Variants in DNAJB6 observed in about 807,000 individuals in gnomAD.
DNAJB6 encodes the protein dnaJ homolog subfamily B member 6.
Under a neutral mutation model 42.7 loss-of-function variants are expected in DNAJB6, and 16 were observed. The ratio of observed to expected loss-of-function variants is 0.37; its 90% CI spans 0.25 to 0.57. DNAJB6 has a LOEUF of 0.57. Ranked by LOEUF, DNAJB6 falls within the 20% of genes least tolerant of loss-of-function variation. The probability of loss-of-function intolerance (pLI) is 0.74; values close to 1 mark genes in which losing one functional copy is unlikely to be tolerated. For synonymous variants in DNAJB6, 170 were observed against 163.5 expected (o/e 1.04, Z -0.30); for missense variants, 347 against 416.8 (o/e 0.83, Z 1.46).
At chr7:157,382,999 T>C (rs1437654267) in intron 6 of DNAJB6, among the ~76,000 whole-genome samples, 1 of 152,080 alleles carries the variant, frequency 6.6e-6, no homozygotes, top group Non-Finnish European at 1.5e-5. Flanking sequence ...GCTTTTTTTT[T>C]TGTTGTGTTT....
At chr7:157,338,183 C>T (rs1221162225) in intron 1 of DNAJB6, among the ~76,000 whole-genome samples, 1 of 152,188 alleles carries the variant, frequency 6.6e-6, no homozygotes, top group East Asian at 1.9e-4. Context: ...ACCATTAAAG[C>T]TTGATTGCTG....
intron 8 of DNAJB6, among the ~76,000 whole-genome samples, chr7:157,389,165 T>C (rs1222873447): frequency 1.3e-5 from 2 of 152,238 alleles, no homozygotes; most frequent in African/African-American, 2.4e-5. Flanking sequence ...CCAATCAATT[T>C]TAATTTCTGT....
chr7:157,369,466 G>T, intron 5 of DNAJB6: 1 of 455,874 alleles, frequency 2.2e-6, no homozygotes. Flanking sequence ...TCTCTTCTGG[G>T]GCACACGAGG....
intron 1 of DNAJB6, among the ~76,000 whole-genome samples, chr7:157,343,447 A>T (rs1231088940): frequency 6.6e-6 from 1 of 151,188 alleles, no homozygotes; most frequent in Non-Finnish European, 1.5e-5. Context: ...GAGCCACCTC[A>T]CCTGGCCTCA....
intron 2 of DNAJB6, among the ~76,000 whole-genome samples, chr7:157,359,283 ATTG>A (rs1393906542): frequency 1.3e-5 from 2 of 152,232 alleles, no homozygotes; most frequent in Non-Finnish European, 2.9e-5. Flanking sequence ...ACTTAAAAAA[ATTG>A]TTAATAAATA....
rs150488494 is a variant in DNAJB6, at chr7:157,398,494, C to T, written c.692-11301C>T. On this transcript the variant is annotated intron_variant, in intron 8 of 9. Transcript: ENST00000262177. Reference sequence around the variant, plus strand: ...CATCTGCGTGTTATCAGCCAGGCTCCTGCACTCCATTCAGACTCCATTTGG... The same window carrying T: ...CATCTGCGTGTTATCAGCCAGGCTCTTGCACTCCATTCAGACTCCATTTGG... Among the ~76,000 whole-genome samples, 43 of 152,346 alleles carry T rather than the reference C, an allele frequency of 2.8e-4. 1 individual carries two copies. Among genetic ancestry groups the T allele is most frequent in the African/African-American group, 1.0e-3 (42 of 41,584 alleles).
chr7:157,345,355 G>A (rs1798629091), intron 1 of DNAJB6, among the ~76,000 whole-genome samples: 1 of 151,998 alleles, frequency 6.6e-6, no homozygotes, highest in South Asian at 2.1e-4. Context: ...CCTGTCTCTT[G>A]TCCAAGTTGG....
At chr7:157,343,512 C>T (rs967421491) in intron 1 of DNAJB6, among the ~76,000 whole-genome samples, 7 of 151,858 alleles carry the variant, frequency 4.6e-5, no homozygotes, top group African/African-American at 1.4e-4. Context: ...TCTGTTGCCC[C>T]GGCTGGAGTG....
chr7:157,400,527 G>A (rs1333953550), intron 8 of DNAJB6, among the ~76,000 whole-genome samples: 2 of 152,370 alleles, frequency 1.3e-5, no homozygotes, highest in Admixed American at 1.3e-4. Flanking sequence ...CCTGGCAGGA[G>A]CTTCTAATGA....
intron 8 of DNAJB6, among the ~76,000 whole-genome samples, chr7:157,387,304 C>CCCAG (rs1386662600): frequency 1.3e-5 from 2 of 152,178 alleles, no homozygotes; most frequent in East Asian, 3.8e-4. Flanking sequence ...TCGGAAATAA[C>CCCAG]CCAGCACGCG....
At chr7:157,382,483 C>T (rs1800835810) in intron 6 of DNAJB6, 106 bp downstream of exon 6, 10 of 1,259,786 alleles carry the variant, frequency 7.9e-6, no homozygotes, top group East Asian at 2.6e-5. Flanking sequence ...GTATACCTTT[C>T]GTAGAATAGC....
chr7:157,375,850 A>G (rs1800445384), intron 5 of DNAJB6, among the ~76,000 whole-genome samples: 1 of 152,188 alleles, frequency 6.6e-6, no homozygotes, highest in African/African-American at 2.4e-5. Context: ...GCGGCTGTCT[A>G]GGTTTTAGCT....
Position 157,358,638 on chromosome 7 carries a change from G to GT in DNAJB6, c.65+2dup, listed in dbSNP as rs1208635406. 1 of 1,609,562 alleles carries GT rather than the reference G, an allele frequency of 6.2e-7. No homozygotes were observed. The highest frequency in any genetic ancestry group is 2.2e-5 in the East Asian group (1 of 44,860). ...CCTCACCCGAGGATATTAAAAAGGC[G>GT]TAAGTAGTTTTATTTCTGTGGTAAT... On this transcript the variant is annotated splice_donor_variant, in intron 2 of 9. Coordinates refer to ENST00000262177, the MANE Select transcript of DNAJB6 (RefSeq NM_058246.4). LOFTEE classifies it high-confidence loss of function.
At chr7:157,342,282 C>G (rs1196968348) in intron 1 of DNAJB6, among the ~76,000 whole-genome samples, 1 of 151,806 alleles carries the variant, frequency 6.6e-6, no homozygotes, top group South Asian at 2.1e-4. Context: ...ATTCTCCTAC[C>G]TCAGGCTCCG....
intron 5 of DNAJB6, among the ~76,000 whole-genome samples, chr7:157,377,015 C>T (rs1291375311): frequency 1.3e-5 from 2 of 152,084 alleles, no homozygotes; most frequent in African/African-American, 2.4e-5. Flanking sequence ...GTCTAAAGAC[C>T]TGGGATCATA....
intron 6 of DNAJB6, among the ~76,000 whole-genome samples, chr7:157,384,037 G>A (rs759005759): frequency 4.5e-4 from 68 of 152,250 alleles, no homozygotes; most frequent in South Asian, 1.0e-3. Context: ...CAGTATCTGC[G>A]CTTAGATGAT....
intron 1 of DNAJB6, among the ~76,000 whole-genome samples, chr7:157,339,052 G>A (rs1413872558): frequency 6.6e-6 from 1 of 152,124 alleles, no homozygotes. Context: ...CAGTTTTTCC[G>A]GAACACTAGG....
intron 2 of DNAJB6, among the ~76,000 whole-genome samples, chr7:157,360,814 C>T (rs1019971842): frequency 2.2e-4 from 34 of 152,312 alleles, no homozygotes; most frequent in African/African-American, 8.2e-4. Context: ...CCAGACTCTT[C>T]CTGGGTTTGA....
intron 5 of DNAJB6, among the ~76,000 whole-genome samples, chr7:157,367,946 C>T (rs1799923605): frequency 2.6e-5 from 4 of 151,996 alleles, no homozygotes; most frequent in Admixed American, 1.3e-4. Context: ...ATGGTGAAAC[C>T]CTGTCTCAAC....
Sources: gnomAD v4.1 joint callset for allele counts (sites outside exome capture counted in the v4.1 genomes callset) on GRCh38, gnomAD v4.1.1 for gene constraint, MANE v1.5 for transcripts, NCBI Gene and HGNC (gene_info 2026-07-23, HGNC 2026-07-21) for gene names.